ERBB4: variants seen among roughly 807,000 people sequenced by gnomAD.
ERBB4 encodes the protein receptor tyrosine-protein kinase erbB-4.
In ERBB4, 42 loss-of-function variants were observed where a neutral mutation model predicts 158.0. That is an observed-to-expected ratio of 0.27 (90% confidence interval 0.21 to 0.34). The LOEUF (loss-of-function observed/expected upper bound fraction) is 0.34. Among genes scored for constraint, ERBB4 ranks in the 10% least tolerant of loss-of-function variants. ERBB4 has a pLI of 1.00. For synonymous variants in ERBB4, 583 were observed against 558.7 expected (o/e 1.04, Z -0.61); for missense variants, 1,333 against 1,624.1 (o/e 0.82, Z 3.08).
intron 1 of ERBB4, among the ~76,000 whole-genome samples, chr2:212,384,534 A>G (rs898618913): frequency 1.3e-5 from 2 of 151,656 alleles, no homozygotes; most frequent in South Asian, 4.1e-4. Context: ...TAGCAGAGAA[A>G]CTTATGAAAA....
intron 1 of ERBB4, among the ~76,000 whole-genome samples, chr2:212,424,021 A>G (rs530000651): frequency 2.8e-4 from 42 of 152,312 alleles, no homozygotes; most frequent in African/African-American, 9.9e-4. Context: ...AATACAATCT[A>G]CAATTATTAA....
chr2:211,700,199 C>G (rs1271420321), intron 12 of ERBB4, among the ~76,000 whole-genome samples: 6 of 152,020 alleles, frequency 3.9e-5, no homozygotes, highest in African/African-American at 1.2e-4. Flanking sequence ...TATCTTATTG[C>G]CATGAATCAT....
At chr2:212,520,672 A>C (rs1022423270) in intron 1 of ERBB4, among the ~76,000 whole-genome samples, 3 of 151,996 alleles carry the variant, frequency 2.0e-5, no homozygotes, top group Non-Finnish European at 4.4e-5. Context: ...AATTCACAGC[A>C]TCCTTGAAAA....
intron 3 of ERBB4, among the ~76,000 whole-genome samples, chr2:211,865,504 T>A (rs1307974039): frequency 6.6e-6 from 1 of 152,144 alleles, no homozygotes; most frequent in African/African-American, 2.4e-5. Flanking sequence ...ATTTTTTTCT[T>A]GAGACGGAGT....
chr2:211,945,259 A>C (rs575680189), intron 3 of ERBB4, among the ~76,000 whole-genome samples: 10 of 152,218 alleles, frequency 6.6e-5, no homozygotes, highest in Admixed American at 3.3e-4. Context: ...ACACAAACAC[A>C]ATCATGCATA....
intron 1 of ERBB4, among the ~76,000 whole-genome samples, chr2:212,487,849 G>A (rs1690058785): frequency 6.6e-6 from 1 of 152,080 alleles, no homozygotes; most frequent in Non-Finnish European, 1.5e-5. Flanking sequence ...TTTTACTGAT[G>A]AGAAAATTAT....
At chr2:211,802,160 G>A (rs1006312841) in intron 3 of ERBB4, among the ~76,000 whole-genome samples, 5 of 152,110 alleles carry the variant, frequency 3.3e-5, no homozygotes, top group African/African-American at 1.2e-4. Flanking sequence ...TCGGGAGGCT[G>A]AGGCAGGAGA....
chr2:211,987,109 T>A (rs1182524610), intron 2 of ERBB4, among the ~76,000 whole-genome samples: 2 of 151,774 alleles, frequency 1.3e-5, no homozygotes, highest in Non-Finnish European at 2.9e-5. Flanking sequence ...TCACCTGAGG[T>A]CAGAAGTTGA....
intron 20 of ERBB4, among the ~76,000 whole-genome samples, chr2:211,434,798 A>G (rs1164528469): frequency 3.9e-5 from 6 of 152,198 alleles, no homozygotes; most frequent in Admixed American, 3.9e-4. Flanking sequence ...GACCATCACT[A>G]AAAGCAATAA....
chr2:211,423,019 G>A (rs2063546021), intron 23 of ERBB4, among the ~76,000 whole-genome samples: 2 of 151,624 alleles, frequency 1.3e-5, no homozygotes, highest in Admixed American at 6.6e-5. Context: ...GTCATTTTAT[G>A]TATCATTAAT....
intron 2 of ERBB4, among the ~76,000 whole-genome samples, chr2:211,968,651 G>A (rs2081371043): frequency 6.6e-6 from 1 of 151,896 alleles, no homozygotes; most frequent in South Asian, 2.1e-4. Flanking sequence ...ATGACCATTG[G>A]CTTGGATAAA....
intron 1 of ERBB4, among the ~76,000 whole-genome samples, chr2:212,424,151 G>A (rs2091855905): frequency 6.6e-6 from 1 of 152,008 alleles, no homozygotes; most frequent in African/African-American, 2.4e-5. Context: ...ATACAAAGTT[G>A]ATGTATAGGA....
chr2:211,944,179 A>ATATATATATACACTATATATATATAC (rs1347187880), intron 3 of ERBB4, among the ~76,000 whole-genome samples: 1 of 5,412 alleles, frequency 1.8e-4, no homozygotes, highest in Non-Finnish European at 3.6e-4. Context: ...TATATATACT[A>ATATATATATACACTATATATATATAC]TATATATATA....
chr2:211,701,303 A>T (rs2073228928), intron 12 of ERBB4, among the ~76,000 whole-genome samples: 1 of 152,176 alleles, frequency 6.6e-6, no homozygotes, highest in Non-Finnish European at 1.5e-5. Flanking sequence ...TTCTGTTATG[A>T]AACTCCCTGA....
At chr2:212,430,585 T>C (rs1034000925) in intron 1 of ERBB4, among the ~76,000 whole-genome samples, 2 of 151,968 alleles carry the variant, frequency 1.3e-5, no homozygotes, top group African/African-American at 4.8e-5. Flanking sequence ...GGATTACAGG[T>C]GCCTACCACC....
chr2:211,889,773 A>G (rs938526821), intron 3 of ERBB4, among the ~76,000 whole-genome samples: 34 of 151,868 alleles, frequency 2.2e-4, no homozygotes, highest in Non-Finnish European at 4.9e-4. Flanking sequence ...AAGCCTCAGG[A>G]GCCGATGCGA....
In ERBB4 at chr2:211,418,082, TTA is replaced by T. The variant is rs973065624; in HGVS notation, c.3135+2357_3135+2358del. Reference sequence around the variant, plus strand: ...GTGGAGCCTATATTTTCAAAATGCATTATTTTTTTTTTTTTTGGTTTCAAAGT... The same window carrying T: ...GTGGAGCCTATATTTTCAAAATGCATTTTTTTTTTTTTTTGGTTTCAAAGT... On this transcript the variant is annotated intron_variant, in intron 25 of 27. Coordinates refer to ENST00000342788, the MANE Select transcript of ERBB4 (RefSeq NM_005235.3). Among the ~76,000 whole-genome samples, 8 of 118,200 alleles carry T rather than the reference TTA, an allele frequency of 6.8e-5. No homozygotes were observed. In the South Asian group the frequency reaches 9.7e-4, roughly 14 times the overall value. 77.5% of individuals were successfully genotyped at this position (118,200 alleles called of 152,430 possible). A position where few individuals can be genotyped will look rare whatever the true frequency, so the allele number is the denominator to read the frequency against.
chr2:211,773,641 TATATATAA>T (rs1559506466), intron 4 of ERBB4, among the ~76,000 whole-genome samples: 1 of 87,660 alleles, frequency 1.1e-5, no homozygotes, highest in African/African-American at 4.4e-5. Context: ...TATATATATA[TATATATAA>T]TATATATACA....
chr2:212,391,145 C>T (rs534640474), intron 1 of ERBB4, among the ~76,000 whole-genome samples: 1 of 151,768 alleles, frequency 6.6e-6, no homozygotes, highest in South Asian at 2.1e-4. Flanking sequence ...AGATCTTATG[C>T]CTTATCAATA....
Sources: gnomAD v4.1 joint callset for allele counts (sites outside exome capture counted in the v4.1 genomes callset) on GRCh38, gnomAD v4.1.1 for gene constraint, MANE v1.5 for transcripts, NCBI Gene and HGNC (gene_info 2026-07-23, HGNC 2026-07-21) for gene names.